ZBTB46: variants seen among roughly 807,000 people sequenced by gnomAD.
The protein encoded by ZBTB46 is zinc finger and BTB domain-containing protein 46.
A neutral mutation model predicts 44.1 loss-of-function variants in ZBTB46; 8 were observed. That is an observed-to-expected ratio of 0.18 (90% confidence interval 0.11 to 0.33). The LOEUF is 0.33. Ranked by LOEUF, ZBTB46 falls within the 10% of genes least tolerant of loss-of-function variation. The probability of loss-of-function intolerance (pLI) is 1.00; values close to 1 mark genes in which losing one functional copy is unlikely to be tolerated. For missense variants in ZBTB46, 651 were observed against 847.7 expected (o/e 0.77, Z 2.88); for synonymous variants, 409 against 382.3 (o/e 1.07, Z -0.81).
chr20:63,811,754 A>G (rs1372044026), intron 1 of ZBTB46, among the ~76,000 whole-genome samples: 2 of 152,208 alleles, frequency 1.3e-5, no homozygotes, highest in East Asian at 3.9e-4. Context: ...ATGAGGACTC[A>G]GGACTCACTG....
chr20:63,804,661 A>G (rs899955335), intron 1 of ZBTB46, among the ~76,000 whole-genome samples: 3 of 152,124 alleles, frequency 2.0e-5, no homozygotes, highest in Non-Finnish European at 4.4e-5. Flanking sequence ...TGGGAGGCCA[A>G]GGCAGGTGGA....
chr20:63,744,151 A>G lies in ZBTB46; in HGVS notation c.*2779T>C, dbSNP rs1253420385. 1 of 152,292 alleles carries G rather than the reference A, an allele frequency of 6.6e-6. No individual in the cohort carries two copies. The highest frequency in any genetic ancestry group is 1.5e-5 in the Non-Finnish European group (1 of 68,042). The allele number at this position is 152,292 out of a possible 1,614,324, so 9.4% of individuals were successfully genotyped here. On this transcript the variant is annotated 3_prime_UTR_variant, in exon 5 of 5. Transcript: ENST00000245663. Reference sequence around the variant, plus strand: ...CACCATTAAGTATGGCTTTCTTAAGAGTCGCACATGTCACAGAATGAGCTA... The same window carrying G: ...CACCATTAAGTATGGCTTTCTTAAGGGTCGCACATGTCACAGAATGAGCTA...
chr20:63,766,259 A>G (rs1345589379), intron 3 of ZBTB46, among the ~76,000 whole-genome samples: 1 of 119,524 alleles, frequency 8.4e-6, no homozygotes, highest in Non-Finnish European at 1.6e-5. Context: ...CTCGTTGCCC[A>G]GGCTGGAGTG....
Position 63,746,775 on chromosome 20 carries a change from C to T in ZBTB46, c.*155G>A, listed in dbSNP as rs959611680. 1.1e-5 allele frequency: 14 copies of T among 1,257,094 alleles called. No homozygotes were observed. Among genetic ancestry groups the T allele is most frequent in the African/African-American group, 1.6e-5 (1 of 64,192 alleles). 77.9% of individuals were successfully genotyped at this position (1,257,094 alleles called of 1,614,324 possible). On this transcript the variant is annotated 3_prime_UTR_variant, in exon 5 of 5. Transcript: ENST00000245663. ...TTGCTGGGGTCGCACCTGCTTAGCC[C>T]GCAGGGCTGGTTTCCGTGGGGGGTG...
chr20:63,785,029 C>A (rs999653994), intron 2 of ZBTB46, among the ~76,000 whole-genome samples: 2 of 150,112 alleles, frequency 1.3e-5, no homozygotes, highest in African/African-American at 4.9e-5. Context: ...GTCAAGAGAT[C>A]GAGACCGTCC....
In ZBTB46 at chr20:63,752,581, G is replaced by A. The variant is rs1229289152; in HGVS notation, c.1398+105C>T. 7.5e-7 allele frequency: 1 copy of A among 1,336,446 alleles called. No individual in the cohort carries two copies. Among genetic ancestry groups the A allele is most frequent in the Non-Finnish European group, 9.8e-7 (1 of 1,024,234 alleles). 82.8% of individuals were successfully genotyped at this position (1,336,446 alleles called of 1,614,324 possible). ...GCTGTCGTCCCCCCTGTGCAGAGTG[G>A]ACCCGGTGTGGGGTCCGGGGCGGTC... On this transcript the variant is annotated intron_variant, in intron 4 of 4. Transcript: ENST00000245663. The surrounding 1 kb of genome is among the most constrained non-coding windows in gnomAD (Gnocchi z 5.6).
upstream of ZBTB46, among the ~76,000 whole-genome samples, chr20:63,832,498 G>A (rs575546491): frequency 6.6e-6 from 1 of 152,326 alleles, no homozygotes; most frequent in South Asian, 2.1e-4. This position sits in a 1 kb window ranked among gnomAD's most constrained non-coding sequence, Gnocchi z 5.0. Flanking sequence ...TTCAAATCTG[G>A]ATGTGTGAGG....
intron 3 of ZBTB46, among the ~76,000 whole-genome samples, chr20:63,757,543 G>A (rs930955637): frequency 4.6e-5 from 7 of 152,132 alleles, no homozygotes; most frequent in African/African-American, 9.7e-5. Flanking sequence ...CCCTGGCGGC[G>A]TGTCTACCCT....
chr20:63,772,722 AACACACACACACAC>A (rs67126549), intron 3 of ZBTB46, among the ~76,000 whole-genome samples: 9 of 20,258 alleles, frequency 4.4e-4, no homozygotes, highest in African/African-American at 2.0e-3. Flanking sequence ...CTGTCTCAAA[AACACACACACACAC>A]ACACACACAC....
chr20:63,783,163 T>C (rs375853798), intron 2 of ZBTB46, among the ~76,000 whole-genome samples: 1 of 150,232 alleles, frequency 6.7e-6, no homozygotes, highest in East Asian at 2.0e-4. Flanking sequence ...GGCGTGGTGG[T>C]TCATGCCTGT....
chr20:63,815,858 GC>G (rs1450265658), intron 1 of ZBTB46, among the ~76,000 whole-genome samples: 10 of 103,540 alleles, frequency 9.7e-5, no homozygotes, highest in African/African-American at 4.4e-4. Flanking sequence ...GAGTGCAGGT[GC>G]AGGTGGGCGC....
chr20:63,817,439 G>T (rs1305549178), intron 1 of ZBTB46, among the ~76,000 whole-genome samples: 1 of 151,834 alleles, frequency 6.6e-6, no homozygotes, highest in Admixed American at 6.6e-5. Flanking sequence ...AAGAGGCCGG[G>T]TGCAGTGGCT....
chr20:63,758,502 G>C (rs931822963), intron 3 of ZBTB46, among the ~76,000 whole-genome samples: 1 of 149,894 alleles, frequency 6.7e-6, no homozygotes, highest in African/African-American at 2.5e-5. Flanking sequence ...ATTGGTGAGT[G>C]TAACAAACTT....
Position 63,752,049 on chromosome 20 carries a change from A to T in ZBTB46, c.1398+637T>A, listed in dbSNP as rs912393035. ...GCTGCCCGCCGCGAGCTCCCCCTGC[A>T]CCCTGCGCCTCGGGGTGGGCGTTCC... On this transcript the variant is annotated intron_variant, in intron 4 of 4. Transcript: ENST00000245663. This position sits in a 1 kb window ranked among gnomAD's most constrained non-coding sequence, Gnocchi z 5.6. 2.6e-5 allele frequency among the ~76,000 whole-genome samples: 4 copies of T among 151,340 alleles called. No individual in the cohort carries two copies. The highest frequency in any genetic ancestry group is 5.9e-5 in the Non-Finnish European group (4 of 67,818).
intron 1 of ZBTB46, among the ~76,000 whole-genome samples, chr20:63,798,673 T>TAAAAAA (rs1568882836): frequency 4.9e-4 from 1 of 2,024 alleles, no homozygotes; most frequent in African/African-American, 1.8e-3. Context: ...AGACTCTGTC[T>TAAAAAA]CAAAAAAAAA....
chr20:63,804,374 G>C (rs1157979974), intron 1 of ZBTB46, among the ~76,000 whole-genome samples: 2 of 152,174 alleles, frequency 1.3e-5, no homozygotes, highest in African/African-American at 4.8e-5. Flanking sequence ...GAACAGGTCA[G>C]ATCTGTAAAG....
Position 63,787,171 on chromosome 20 carries a change from A to G in ZBTB46, c.937+2650T>C, listed in dbSNP as rs1306204952. Among the ~76,000 whole-genome samples, 3 of 152,134 alleles carry G rather than the reference A, an allele frequency of 2.0e-5. No homozygotes were observed. The highest frequency in any genetic ancestry group is 7.2e-5 in the African/African-American group (3 of 41,428). On this transcript the variant is annotated intron_variant, in intron 2 of 4. Transcript: ENST00000245663. This position sits in a 1 kb window ranked among gnomAD's most constrained non-coding sequence, Gnocchi z 4.6. ...AGAACTTCATGCGCCACAGAAGGGC[A>G]TTTTGGTCAGGGATGGACCACAGAT...
rs1433057210 is a variant in ZBTB46, at chr20:63,787,136, T to C, written c.937+2685A>G. ...GTTTCCCTTTGGGATGATGGAAAAG[T>C]TGTGATCGCAGAACTTCATGCGCCA... On this transcript the variant is annotated intron_variant, in intron 2 of 4. Transcript: ENST00000245663. This position sits in a 1 kb window ranked among gnomAD's most constrained non-coding sequence, Gnocchi z 4.6. Among the ~76,000 whole-genome samples, 1 of 152,112 alleles carries C rather than the reference T, an allele frequency of 6.6e-6. No homozygotes were observed.
intron 1 of ZBTB46, among the ~76,000 whole-genome samples, chr20:63,801,961 A>G (rs1448978343): frequency 1.3e-5 from 2 of 151,998 alleles, no homozygotes; most frequent in Non-Finnish European, 2.9e-5. Flanking sequence ...TTGTAAAAAT[A>G]TTTTTCCTCA....
Sources: gnomAD v4.1 joint callset for allele counts (sites outside exome capture counted in the v4.1 genomes callset) on GRCh38, gnomAD v4.1.1 for gene constraint, Gnocchi (gnomAD v3.1) non-coding constraint, MANE v1.5 for transcripts, NCBI Gene and HGNC (gene_info 2026-07-23, HGNC 2026-07-21) for gene names.